USP30: variants seen among roughly 807,000 people sequenced by gnomAD.
The protein encoded by USP30 is ubiquitin carboxyl-terminal hydrolase 30.
A neutral mutation model predicts 68.2 loss-of-function variants in USP30; 41 were observed. The ratio of observed to expected loss-of-function variants is 0.60; its 90% CI spans 0.47 to 0.78. The LOEUF is 0.78. Ranked by LOEUF, USP30 falls within the 30% of genes least tolerant of loss-of-function variation. The pLI is 0.00. For synonymous variants in USP30, 229 were observed against 253.7 expected (o/e 0.90, Z 0.93); for missense variants, 522 against 649.4 (o/e 0.80, Z 2.13).
rs2040933748 is a variant in USP30, at chr12:109,058,130, G to A, written c.376+22G>A. The A allele has an allele frequency of 4.4e-6, 7 of 1,584,436 alleles. No homozygotes were observed. The Admixed American group carries it at 1.1e-4, about 25-fold the overall frequency. On this transcript the variant is annotated intron_variant, in intron 3 of 12. Coordinates refer to ENST00000257548, the MANE Select transcript of USP30 (RefSeq NM_032663.5). The stretch of plus-strand genomic sequence containing the variant: ...AAAGGTATCTAGATGGGAATTTCAA[G>A]GGAATTATGTACCTTTTCAAAGAAG...
At chr12:109,081,721 C>A in intron 8 of USP30, 2 of 612,896 alleles carry the variant, frequency 3.3e-6, no homozygotes, top group Non-Finnish European at 5.8e-6. Context: ...CAAGTTCGTG[C>A]AGTTACATCC....
chr12:109,080,667 T>C (rs893673408), intron 7 of USP30, among the ~76,000 whole-genome samples: 2 of 152,254 alleles, frequency 1.3e-5, no homozygotes, highest in African/African-American at 4.8e-5. Flanking sequence ...AACTTCCAAC[T>C]ACAGTCATGT....
At chr12:109,048,358 T>C (rs2040624378), upstream of USP30, among the ~76,000 whole-genome samples, 1 of 151,756 alleles carries the variant, frequency 6.6e-6, no homozygotes. Flanking sequence ...AGTGCCGGGA[T>C]TATAGGTGTG....
At chr12:109,075,460 C>T (rs1028020150) in intron 7 of USP30, among the ~76,000 whole-genome samples, 2 of 152,200 alleles carry the variant, frequency 1.3e-5, no homozygotes, top group African/African-American at 4.8e-5. Context: ...AAGCAATTCT[C>T]CCACCACAGT....
intron 3 of USP30, among the ~76,000 whole-genome samples, chr12:109,064,164 G>A (rs539105406): frequency 1.3e-5 from 2 of 152,022 alleles, no homozygotes; most frequent in South Asian, 2.1e-4. Context: ...GAGCCACCAC[G>A]CTCAGCATTG....
chr12:109,024,392 G>C (rs563739944), intron 1 of USP30, among the ~76,000 whole-genome samples: 3 of 151,976 alleles, frequency 2.0e-5, no homozygotes, highest in Admixed American at 2.0e-4. Flanking sequence ...CGAATAGCTG[G>C]GATTACAGGT....
At position 109,086,568 on chromosome 12, in the gene USP30, GAA is replaced by G. The variant is rs2041952624; in HGVS notation, c.*639_*640del. The G allele has an allele frequency of 6.6e-6, 1 of 152,382 alleles. No homozygotes were observed. Among genetic ancestry groups the G allele is most frequent in the Non-Finnish European group, 1.5e-5 (1 of 68,186 alleles). 9.4% of individuals were successfully genotyped at this position (152,382 alleles called of 1,614,324 possible). ...TCATCTGCCAAATCTGCCCCCTGGG[GAA>G]ACTCTTTCACTACTTTGTCAGTTAT... On this transcript the variant is annotated 3_prime_UTR_variant, in exon 13 of 13. Coordinates refer to ENST00000257548, the MANE Select transcript of USP30 (RefSeq NM_032663.5).
At position 109,081,528 on chromosome 12, in the gene USP30, T is replaced by C. The variant is rs968016284; in HGVS notation, c.780+135T>C. The C allele has an allele frequency of 1.3e-5, 12 of 897,726 alleles. No homozygotes were observed. The South Asian group carries it at 1.4e-4, about 10-fold the overall frequency. 55.6% of individuals were successfully genotyped at this position (897,726 alleles called of 1,614,324 possible). ...GGTTGGTTGAACCCTCTCTTAACTT[T>C]CATATGGTGGCATGATTATGGGAGA... is the stretch of plus-strand genomic sequence containing the variant. On this transcript the variant is annotated intron_variant, in intron 8 of 12. Coordinates refer to ENST00000257548, the MANE Select transcript of USP30 (RefSeq NM_032663.5).
chr12:109,049,648 C>T (rs181595537), upstream of USP30, among the ~76,000 whole-genome samples: 1 of 152,016 alleles, frequency 6.6e-6, no homozygotes, highest in African/African-American at 2.4e-5. Flanking sequence ...AACCCCATCT[C>T]TACTAAAAAC....
At chr12:109,063,955 C>G (rs2041162852) in intron 3 of USP30, among the ~76,000 whole-genome samples, 1 of 151,436 alleles carries the variant, frequency 6.6e-6, no homozygotes, top group African/African-American at 2.4e-5. Flanking sequence ...TCACTGCGAC[C>G]TCCGCCTCCT....
intron 5 of USP30, 147 bp from the exon 6 acceptor site, chr12:109,072,158 C>A: frequency 1.5e-6 from 1 of 670,224 alleles, no homozygotes; most frequent in Non-Finnish European, 2.6e-6. Context: ...CTAATTGAGG[C>A]TACCTTTAGA....
At chr12:109,073,906 G>A (rs529793616) in intron 7 of USP30, among the ~76,000 whole-genome samples, 3 of 152,228 alleles carry the variant, frequency 2.0e-5, no homozygotes, top group South Asian at 4.1e-4. Context: ...TTGTACAACT[G>A]TCACCCCAAT....
At chr12:109,065,397 A>G (rs1387310656) in intron 3 of USP30, among the ~76,000 whole-genome samples, 1 of 152,202 alleles carries the variant, frequency 6.6e-6, no homozygotes, top group African/African-American at 2.4e-5. Flanking sequence ...GGTACTGCCT[A>G]TGTCAGCCTC....
At chr12:109,037,733 T>C (rs975058085) in intron 3 of USP30, among the ~76,000 whole-genome samples, 3 of 152,190 alleles carry the variant, frequency 2.0e-5, no homozygotes, top group African/African-American at 7.2e-5. Context: ...TGGAACTGCC[T>C]GGAACCAGTA....
At chr12:109,032,092 ACT>A (rs1422999049) in intron 3 of USP30, among the ~76,000 whole-genome samples, 1 of 84,060 alleles carries the variant, frequency 1.2e-5, no homozygotes, top group Non-Finnish European at 2.3e-5. Context: ...GCAGAGTGAG[ACT>A]CTGTCAAAAA....
chr12:109,040,168 T>C (rs2040553781), intron 3 of USP30, among the ~76,000 whole-genome samples: 1 of 151,948 alleles, frequency 6.6e-6, no homozygotes, highest in African/African-American at 2.4e-5. Context: ...AGTCTACATA[T>C]GGCAAACAAA....
intron 7 of USP30, among the ~76,000 whole-genome samples, chr12:109,077,725 T>G (rs147812265): frequency 6.6e-6 from 1 of 152,320 alleles, no homozygotes; most frequent in Non-Finnish European, 1.5e-5. Context: ...TGTTCCTCTG[T>G]TCCCCCTTCA....
chr12:109,081,246 A>T, intron 7 of USP30, 88 bp from the exon 8 acceptor site: 1 of 1,253,588 alleles, frequency 8.0e-7, no homozygotes, highest in Non-Finnish European at 1.2e-6. Context: ...TCTCAATATT[A>T]AACTGTTTCA....
At chr12:109,037,031 C>T (rs1410807002) in intron 3 of USP30, among the ~76,000 whole-genome samples, 3 of 151,754 alleles carry the variant, frequency 2.0e-5, no homozygotes, top group Non-Finnish European at 4.4e-5. Flanking sequence ...TTGTTTTTCT[C>T]CTTTCTTTCT....
Sources: gnomAD v4.1 joint callset for allele counts (sites outside exome capture counted in the v4.1 genomes callset) on GRCh38, gnomAD v4.1.1 for gene constraint, MANE v1.5 for transcripts, NCBI Gene and HGNC (gene_info 2026-07-23, HGNC 2026-07-21) for gene names.